LUZP2: variants seen among roughly 807,000 people sequenced by gnomAD.
The protein encoded by LUZP2 is leucine zipper protein 2.
A neutral mutation model predicts 51.6 loss-of-function variants in LUZP2; 52 were observed. The observed-to-expected ratio is 1.01, with a 90% CI of 0.81 to 1.27. The LOEUF (loss-of-function observed/expected upper bound fraction) is 1.27, where lower values mean the gene tolerates loss of function less well. Among genes scored for constraint, LUZP2 ranks in the 50% most tolerant of loss-of-function variants. LUZP2 has a pLI of 0.00. For synonymous variants in LUZP2, 154 were observed against 137.3 expected (o/e 1.12, Z -0.85); for missense variants, 436 against 395.4 (o/e 1.10, Z -0.87).
At chr11:24,547,720 T>C (rs1851600943) in intron 1 of LUZP2, among the ~76,000 whole-genome samples, 2 of 152,032 alleles carry the variant, frequency 1.3e-5, no homozygotes, top group Admixed American at 1.3e-4. Flanking sequence ...CATTTACAAG[T>C]GCGGCCTAAT....
At chr11:24,697,280 G>C (rs930250677) in intron 1 of LUZP2, among the ~76,000 whole-genome samples, 13 of 152,222 alleles carry the variant, frequency 8.5e-5, no homozygotes, top group Non-Finnish European at 1.8e-4. Flanking sequence ...CTTTATCCAA[G>C]GTGAATTAGA....
intron 1 of LUZP2, among the ~76,000 whole-genome samples, chr11:24,649,403 G>A (rs960780851): frequency 2.6e-5 from 4 of 151,952 alleles, no homozygotes; most frequent in Non-Finnish European, 5.9e-5. Flanking sequence ...CTCCTGAATG[G>A]TTAGGGAGTG....
chr11:24,814,774 C>G (rs960739815), intron 5 of LUZP2, among the ~76,000 whole-genome samples: 3 of 152,062 alleles, frequency 2.0e-5, no homozygotes, highest in East Asian at 3.9e-4. Flanking sequence ...GGGTGGATCA[C>G]GAGATCAGGA....
intron 1 of LUZP2, among the ~76,000 whole-genome samples, chr11:24,567,223 C>T (rs1157489576): frequency 6.8e-6 from 1 of 147,806 alleles, no homozygotes; most frequent in Admixed American, 6.8e-5. Flanking sequence ...GTTAGAGAGG[C>T]TAAAGAGTAG....
chr11:24,786,084 C>T, intron 5 of LUZP2: 1 of 985,216 alleles, frequency 1.0e-6, no homozygotes, highest in African/African-American at 1.7e-5. Context: ...TCGGCTGGCA[C>T]CTGGTATATG....
At chr11:24,542,116 T>A (rs1851386343) in intron 1 of LUZP2, among the ~76,000 whole-genome samples, 1 of 151,776 alleles carries the variant, frequency 6.6e-6, no homozygotes, top group Admixed American at 6.6e-5. Context: ...GGAAGGAGAG[T>A]CTGCTAGGAA....
At chr11:24,971,677 G>C (rs1855740277) in intron 7 of LUZP2, among the ~76,000 whole-genome samples, 1 of 152,062 alleles carries the variant, frequency 6.6e-6, no homozygotes, top group African/African-American at 2.4e-5. Flanking sequence ...TGGCTACTCT[G>C]TATGATTTAA....
intron 5 of LUZP2, among the ~76,000 whole-genome samples, chr11:24,824,498 G>A (rs1850467434): frequency 6.7e-6 from 1 of 150,350 alleles, no homozygotes; most frequent in South Asian, 2.1e-4. Context: ...AAAGATATTA[G>A]TTATGGTTTT....
chr11:24,513,756 TA>T (rs1365678401), intron 1 of LUZP2, among the ~76,000 whole-genome samples: 1 of 152,182 alleles, frequency 6.6e-6, no homozygotes, highest in Non-Finnish European at 1.5e-5. Flanking sequence ...AAACAATCAC[TA>T]AATGCTGGTA....
At chr11:24,613,288 A>T (rs1319364) in intron 1 of LUZP2, among the ~76,000 whole-genome samples, 53,284 of 151,884 alleles carry the variant, frequency 0.35, 9,466 homozygotes, top group Middle Eastern at 0.43. Flanking sequence ...AACAGATTGT[A>T]CTTGTGAATG....
chr11:24,623,013 T>G (rs1565035714), intron 1 of LUZP2, among the ~76,000 whole-genome samples: 1 of 152,144 alleles, frequency 6.6e-6, no homozygotes, highest in Non-Finnish European at 1.5e-5. Flanking sequence ...TTCATCAATT[T>G]CCATTCCGCC....
chr11:24,606,221 A>G (rs552887684), intron 1 of LUZP2, among the ~76,000 whole-genome samples: 4 of 151,978 alleles, frequency 2.6e-5, no homozygotes, highest in South Asian at 2.1e-4. Context: ...TCAACTTACA[A>G]TTTTTGGACT....
intron 5 of LUZP2, among the ~76,000 whole-genome samples, chr11:24,838,457 C>G (rs888673318): frequency 2.0e-5 from 3 of 151,584 alleles, no homozygotes; most frequent in African/African-American, 7.2e-5. Flanking sequence ...TGATTCTAAA[C>G]ACAGCATTGT....
intron 9 of LUZP2, among the ~76,000 whole-genome samples, chr11:25,011,887 T>A (rs1479998965): frequency 2.0e-5 from 3 of 151,640 alleles, no homozygotes; most frequent in Admixed American, 6.6e-5. Flanking sequence ...GTTTTTATTT[T>A]AAAATTTAAT....
chr11:24,751,241 A>G (rs902905275), intron 4 of LUZP2, among the ~76,000 whole-genome samples: 7 of 152,332 alleles, frequency 4.6e-5, no homozygotes, highest in Middle Eastern at 6.8e-3. Context: ...GAAGCATGCG[A>G]AAAACCCAAC....
chr11:24,677,443 C>T (rs934746446), intron 1 of LUZP2, among the ~76,000 whole-genome samples: 1 of 152,102 alleles, frequency 6.6e-6, no homozygotes, highest in African/African-American at 2.4e-5. Context: ...CTTTTAATGT[C>T]CTTGAACACT....
chr11:24,939,837 GA>G (rs1332211195), intron 7 of LUZP2, among the ~76,000 whole-genome samples: 4 of 152,018 alleles, frequency 2.6e-5, no homozygotes. Flanking sequence ...GTGTTGGTAG[GA>G]AAAAATGTTC....
At chr11:24,522,806 G>T (rs1850685651) in intron 1 of LUZP2, among the ~76,000 whole-genome samples, 1 of 151,964 alleles carries the variant, frequency 6.6e-6, no homozygotes, top group African/African-American at 2.4e-5. Context: ...GAATAAAAAA[G>T]ATTTACATAG....
chr11:25,020,917 A>G (rs1159530713), intron 9 of LUZP2, among the ~76,000 whole-genome samples: 6 of 152,246 alleles, frequency 3.9e-5, no homozygotes, highest in South Asian at 2.1e-4. Flanking sequence ...CAAACATTTT[A>G]TAATTATGAA....
Sources: allele counts gnomAD v4.1 joint callset (sites outside exome capture counted in the v4.1 genomes callset), GRCh38; gene constraint gnomAD v4.1.1; transcripts MANE v1.5; gene names NCBI Gene and HGNC (gene_info 2026-07-23, HGNC 2026-07-21).